Variants in THOC2 observed in about 807,000 individuals in gnomAD.
THOC2 encodes the protein THO complex 2.
In THOC2, 10 loss-of-function variants were observed where a neutral mutation model predicts 128.4. The ratio of observed to expected loss-of-function variants is 0.08; its 90% CI spans 0.05 to 0.13. The LOEUF is 0.13. Among genes scored for constraint, THOC2 ranks in the 10% least tolerant of loss-of-function variants. The pLI is 1.00. For synonymous variants in THOC2, 393 were observed against 396.9 expected (o/e 0.99, Z 0.12); for missense variants, 535 against 1,155.7 (o/e 0.46, Z 7.79).
chrX:123,666,057 G>GA (rs1276473813), intron 11 of THOC2, among the ~76,000 whole-genome samples: 109 of 106,917 alleles, frequency 1.0e-3, no homozygotes, highest in Middle Eastern at 4.8e-3. Context: ...ACAGTCATTA[G>GA]AAAAAAAAAA....
chrX:123,605,179 T>C (rs1489870936), intron 38 of THOC2, among the ~76,000 whole-genome samples: 2 of 111,691 alleles, frequency 1.8e-5, no homozygotes, highest in African/African-American at 3.3e-5. Flanking sequence ...GGGATGCTTT[T>C]CAGGATAATT....
intron 7 of THOC2, among the ~76,000 whole-genome samples, chrX:123,693,324 G>A (rs2050307320): frequency 9.0e-6 from 1 of 111,173 alleles, no homozygotes; most frequent in South Asian, 3.8e-4. Flanking sequence ...AAAATAGCTG[G>A]GCATGGTGGT....
chrX:123,729,319 G>C (rs1160220716), intron 1 of THOC2, among the ~76,000 whole-genome samples: 3 of 111,821 alleles, frequency 2.7e-5, no homozygotes, highest in Non-Finnish European at 5.6e-5. Flanking sequence ...GATATGTGAT[G>C]GATGGACCAT....
chrX:123,711,229 A>G (rs1267181113), intron 2 of THOC2, among the ~76,000 whole-genome samples: 1 of 97,112 alleles, frequency 1.0e-5, no homozygotes, highest in Non-Finnish European at 2.0e-5. Context: ...ATGGAGTTTC[A>G]CCATATTAGC....
rs752603323 is a variant in THOC2, at chrX:123,621,533, CTCTTTT to C, written c.3834_3839del (p.Glu1280_Lys1281del). 9 of 1,174,205 alleles carry C rather than the reference CTCTTTT, an allele frequency of 7.7e-6. No individual in the cohort carries two copies. Among genetic ancestry groups the C allele is most frequent in the Non-Finnish European group, 1.0e-5 (9 of 881,910 alleles). On this transcript the variant is annotated inframe_deletion, in exon 31 of 39. Transcript: ENST00000245838. Reference sequence around the variant, plus strand: ...TAGTAGCTGGAGTCTTTTCTTTTTTCTCTTTTTCTTTCTCTTTCCCTTTTTCTTTGT... The same window carrying C: ...TAGTAGCTGGAGTCTTTTCTTTTTTCTCTTTCTCTTTCCCTTTTTCTTTGT...
At chrX:123,669,677 T>C (rs1325347180) in intron 9 of THOC2, among the ~76,000 whole-genome samples, 1 of 112,065 alleles carries the variant, frequency 8.9e-6, no homozygotes, top group African/African-American at 3.2e-5. Flanking sequence ...CTGTTTCTTC[T>C]TATAGTTCTC....
intron 38 of THOC2, among the ~76,000 whole-genome samples, chrX:123,604,834 C>T (rs1326174295): frequency 8.9e-6 from 1 of 111,993 alleles, no homozygotes; most frequent in East Asian, 2.8e-4. Context: ...TCACAGGAAG[C>T]ATCCCAGAAC....
In THOC2 at chrX:123,679,656, A is replaced by G. The variant is rs747717252; in HGVS notation, c.768+6892T>C. Among the ~76,000 whole-genome samples, 8 of 112,260 alleles carry G rather than the reference A, an allele frequency of 7.1e-5. No homozygotes were observed. The South Asian group carries it at 3.0e-3, about 41-fold the overall frequency. On this transcript the variant is annotated intron_variant, in intron 8 of 38. Coordinates refer to ENST00000245838, the MANE Select transcript of THOC2 (RefSeq NM_001081550.2). ...TTATTTACTCAGATCCATGTGGGGA[A>G]AAGAAAGAGAGATCAGATTGTTACT...
At chrX:123,714,714 T>C (rs1329132432) in intron 1 of THOC2, among the ~76,000 whole-genome samples, 1 of 112,181 alleles carries the variant, frequency 8.9e-6, no homozygotes, top group African/African-American at 3.2e-5. Flanking sequence ...GGCTCTAACA[T>C]GTGATCTAAC....
rs141738683 is a variant in THOC2 at position 123,681,221 on chromosome X, T to A, written c.768+5327A>T. 5.6e-3 allele frequency among the ~76,000 whole-genome samples: 623 copies of A among 111,326 alleles called. 4 individuals are homozygous for A. The highest frequency in any genetic ancestry group is 0.023 in the Middle Eastern group (5 of 217). ...TATAGGGCATGATAAAATTAGTAAA[T>A]CATCAATTTGGAACCCCTAAAGGGA... On this transcript the variant is annotated intron_variant, in intron 8 of 38. Coordinates refer to ENST00000245838, the MANE Select transcript of THOC2 (RefSeq NM_001081550.2).
intron 12 of THOC2, among the ~76,000 whole-genome samples, chrX:123,659,179 T>A (rs2048727032): frequency 8.9e-6 from 1 of 111,960 alleles, no homozygotes; most frequent in Admixed American, 9.5e-5. Flanking sequence ...GCCAGGAGCA[T>A]CAACATCACA....
chrX:123,629,892 G>A (rs769361145), intron 22 of THOC2, among the ~76,000 whole-genome samples: 3 of 111,791 alleles, frequency 2.7e-5, no homozygotes, highest in South Asian at 7.5e-4. Context: ...ACCTGTTCTG[G>A]GCAAGATCTA....
intron 38 of THOC2, among the ~76,000 whole-genome samples, chrX:123,610,709 AT>A (rs1401925783): frequency 8.9e-6 from 1 of 112,204 alleles, no homozygotes; most frequent in African/African-American, 3.2e-5. Context: ...TAAAAAAAAA[AT>A]GTGTGGCTAA....
chrX:123,711,063 G>C (rs1241802948), intron 2 of THOC2, among the ~76,000 whole-genome samples: 4 of 104,375 alleles, frequency 3.8e-5, no homozygotes, highest in African/African-American at 1.0e-4. Flanking sequence ...CTGTCACCCA[G>C]GCTGGAGTGC....
intron 15 of THOC2, among the ~76,000 whole-genome samples, chrX:123,643,189 G>A (rs1180133521): frequency 1.8e-5 from 2 of 111,161 alleles, no homozygotes; most frequent in Non-Finnish European, 3.8e-5. Flanking sequence ...GCTAAGGAGA[G>A]AGTGGTACAT....
chrX:123,694,779 C>T (rs772976272), intron 7 of THOC2, among the ~76,000 whole-genome samples: 4 of 110,949 alleles, frequency 3.6e-5, no homozygotes, highest in Non-Finnish European at 5.7e-5. Flanking sequence ...ACAACAAAGA[C>T]ACTAGATCAG....
chrX:123,712,229 C>A (rs59335302), intron 2 of THOC2, among the ~76,000 whole-genome samples: 1 of 111,457 alleles, frequency 9.0e-6, no homozygotes, highest in African/African-American at 3.3e-5. Context: ...TAGACACAAT[C>A]ACTTTTAGCT....
At chrX:123,731,826 C>A (rs2052274886) in intron 1 of THOC2, among the ~76,000 whole-genome samples, 1 of 111,443 alleles carries the variant, frequency 9.0e-6, no homozygotes. Context: ...GTGTTTCGTT[C>A]CAAGTAACGA....
intron 4 of THOC2, among the ~76,000 whole-genome samples, chrX:123,702,627 T>TA (rs2050755210): frequency 9.5e-6 from 1 of 105,466 alleles, no homozygotes; most frequent in Non-Finnish European, 1.9e-5. Flanking sequence ...TACATATATT[T>TA]TATATGTATA....
Sources: gnomAD v4.1 joint callset for allele counts (sites outside exome capture counted in the v4.1 genomes callset) on GRCh38, gnomAD v4.1.1 for gene constraint, MANE v1.5 for transcripts, NCBI Gene and HGNC (gene_info 2026-07-23, HGNC 2026-07-21) for gene names.